CDH12: variants seen among roughly 807,000 people sequenced by gnomAD.
The protein encoded by CDH12 is cadherin 12.
Under a neutral mutation model 74.1 loss-of-function variants are expected in CDH12, and 41 were observed. The ratio of observed to expected loss-of-function variants is 0.55; its 90% CI spans 0.43 to 0.72. The LOEUF (loss-of-function observed/expected upper bound fraction) is 0.72. Among genes scored for constraint, CDH12 ranks in the 30% least tolerant of loss-of-function variants. CDH12 has a pLI of 0.00. For synonymous variants in CDH12, 399 were observed against 355.0 expected, an observed-to-expected ratio of 1.12 and a Z score of -1.39; for missense variants, 945 against 977.2, an observed-to-expected ratio of 0.97 and a Z score of 0.44.
At chr5:22,375,131 T>C (rs576167512) in intron 3 of CDH12, among the ~76,000 whole-genome samples, 17 of 151,460 alleles carry the variant, frequency 1.1e-4, no homozygotes, top group Non-Finnish European at 2.1e-4. Context: ...GAATAAAGAG[T>C]CCAGAAATAG....
chr5:21,850,956 G>A (rs1190506532), intron 7 of CDH12, among the ~76,000 whole-genome samples: 1 of 151,190 alleles, frequency 6.6e-6, no homozygotes, highest in Non-Finnish European at 1.5e-5. Flanking sequence ...TGGCTAGATG[G>A]TGTAATGGTT....
At chr5:21,998,102 T>C (rs1389073566) in intron 5 of CDH12, among the ~76,000 whole-genome samples, 1 of 152,074 alleles carries the variant, frequency 6.6e-6, no homozygotes, top group Non-Finnish European at 1.5e-5. Context: ...ACATCAATGT[T>C]TGGAGTATAT....
chr5:21,835,476 C>A (rs1311652373), intron 8 of CDH12, among the ~76,000 whole-genome samples: 1 of 151,362 alleles, frequency 6.6e-6, no homozygotes, highest in Admixed American at 6.6e-5. Flanking sequence ...ACATTAAGTA[C>A]CTGACAAAGT....
intron 2 of CDH12, among the ~76,000 whole-genome samples, chr5:22,472,856 A>T (rs541661228): frequency 1.5e-4 from 23 of 152,216 alleles, no homozygotes; most frequent in African/African-American, 5.5e-4. Context: ...AATATTCTTT[A>T]TTCAGGAACC....
intron 3 of CDH12, among the ~76,000 whole-genome samples, chr5:22,223,889 TC>T (rs1752099683): frequency 6.6e-6 from 1 of 151,818 alleles, no homozygotes. Flanking sequence ...AGAAGGTTAA[TC>T]CCATAAGAAA....
intron 3 of CDH12, among the ~76,000 whole-genome samples, chr5:22,294,213 G>C (rs1737526285): frequency 6.6e-6 from 1 of 152,160 alleles, no homozygotes; most frequent in Non-Finnish European, 1.5e-5. Flanking sequence ...ACACATGATA[G>C]AGCAAGGACT....
intron 3 of CDH12, among the ~76,000 whole-genome samples, chr5:22,329,944 C>T (rs1739277881): frequency 6.6e-6 from 1 of 152,176 alleles, no homozygotes. Context: ...ACTGCAATTC[C>T]TAGGCAACTC....
At chr5:22,628,313 A>G (rs1738405048) in intron 1 of CDH12, among the ~76,000 whole-genome samples, 1 of 152,176 alleles carries the variant, frequency 6.6e-6, no homozygotes, top group African/African-American at 2.4e-5. Context: ...TTGTCTGCGC[A>G]TGAACTATGC....
chr5:22,313,068 C>G (rs1324953924), intron 3 of CDH12, among the ~76,000 whole-genome samples: 1 of 152,226 alleles, frequency 6.6e-6, no homozygotes, highest in East Asian at 1.9e-4. Context: ...CCACTACTTG[C>G]CAGTAGCATT....
At chr5:22,352,126 GT>G (rs77885542) in intron 3 of CDH12, among the ~76,000 whole-genome samples, 200 of 136,778 alleles carry the variant, frequency 1.5e-3, no homozygotes, top group Middle Eastern at 7.9e-3. Context: ...GCTTAGACTT[GT>G]TTTTTTTTTT....
intron 3 of CDH12, among the ~76,000 whole-genome samples, chr5:22,229,355 T>G (rs1486149030): frequency 4.0e-5 from 1 of 24,908 alleles, no homozygotes; most frequent in Non-Finnish European, 1.8e-4. Flanking sequence ...TTTTTCTGCC[T>G]TTTACAAAAA....
intron 3 of CDH12, among the ~76,000 whole-genome samples, chr5:22,400,703 G>GT (rs1742693335): frequency 1.3e-5 from 2 of 152,062 alleles, no homozygotes; most frequent in African/African-American, 4.8e-5. Context: ...CCAATGAAAT[G>GT]CTTTTTAGCC....
At chr5:22,295,635 T>TA (rs1364962959) in intron 3 of CDH12, among the ~76,000 whole-genome samples, 2 of 151,886 alleles carry the variant, frequency 1.3e-5, no homozygotes, top group Non-Finnish European at 2.9e-5. Flanking sequence ...AAATATGTGT[T>TA]ACATCTACAC....
At chr5:21,995,798 G>A (rs1395213371) in intron 5 of CDH12, among the ~76,000 whole-genome samples, 3 of 151,600 alleles carry the variant, frequency 2.0e-5, no homozygotes, top group Non-Finnish European at 4.4e-5. Flanking sequence ...TTCATTCCAA[G>A]TTTTGATGCT....
rs111917299 is a variant in CDH12 at position 21,933,669 on chromosome 5, A to C, written c.526+41422T>G. 8.0e-3 allele frequency among the ~76,000 whole-genome samples: 1,216 copies of C among 152,336 alleles called. 19 individuals are homozygous for C. The highest frequency in any genetic ancestry group is 0.028 in the African/African-American group (1,149 of 41,570). The stretch of plus-strand genomic sequence containing the variant: ...ACAGGTGGAAAGAGAAAATTTGTCA[A>C]CTGAGAAATGGGAGGTTGCTCTAGA... On this transcript the variant is annotated intron_variant, in intron 6 of 14. Transcript: ENST00000382254.
intron 1 of CDH12, among the ~76,000 whole-genome samples, chr5:22,616,053 C>T (rs1429020532): frequency 3.3e-5 from 5 of 152,074 alleles, no homozygotes; most frequent in African/African-American, 9.7e-5. Context: ...GATAGGAGGA[C>T]CAGAATTTTG....
At chr5:22,205,875 A>T (rs1751188452) in intron 4 of CDH12, among the ~76,000 whole-genome samples, 1 of 152,122 alleles carries the variant, frequency 6.6e-6, no homozygotes, top group South Asian at 2.1e-4. Context: ...GGAATTAAAT[A>T]TGTCAGCGAT....
chr5:22,132,364 A>C (rs1292680379), intron 4 of CDH12, among the ~76,000 whole-genome samples: 1 of 152,082 alleles, frequency 6.6e-6, no homozygotes, highest in African/African-American at 2.4e-5. Context: ...AACTAGGGCA[A>C]ATCCATGAAG....
chr5:22,451,558 T>C (rs1457051847), intron 2 of CDH12, among the ~76,000 whole-genome samples: 1 of 151,852 alleles, frequency 6.6e-6, no homozygotes, highest in East Asian at 1.9e-4. Context: ...ATAGAAGGAA[T>C]GTACCTCAAC....
Sources: allele counts gnomAD v4.1 joint callset (sites outside exome capture counted in the v4.1 genomes callset), GRCh38; gene constraint gnomAD v4.1.1; transcripts MANE v1.5; gene names NCBI Gene and HGNC (gene_info 2026-07-23, HGNC 2026-07-21).